The following TCF4 variants were observed in gnomAD, a reference collection of about 807,000 sequenced individuals.
The protein encoded by TCF4 is transcription factor 4, also known as SL3-3 enhancer factor 2.
TCF4 carries 3 observed loss-of-function variants against 82.1 expected under a neutral mutation model. The observed-to-expected ratio is 0.04, with a 90% confidence interval of 0.02 to 0.09. The LOEUF (loss-of-function observed/expected upper bound fraction) is 0.09. TCF4 is among the 10% of genes least tolerant of loss of function. The pLI is 1.00. For missense variants in TCF4, 518 were observed against 852.7 expected (o/e 0.61, Z 4.89); for synonymous variants, 276 against 309.6 (o/e 0.89, Z 1.14).
In TCF4 at chr18:55,239,608, A is replaced by G. The variant is rs768623636; in HGVS notation, c.1351-4925T>C. Among the ~76,000 whole-genome samples, 122 of 152,178 alleles carry G rather than the reference A, an allele frequency of 8.0e-4. 4 individuals carry two copies. Among genetic ancestry groups the G allele is most frequent in the African/African-American group, 4.8e-5 (2 of 41,446 alleles). On this transcript the variant is annotated intron_variant, in intron 15 of 19. Coordinates refer to ENST00000354452, the MANE Select transcript of TCF4 (RefSeq NM_001083962.2). ...GAGGAAAATCATTTCCTTTTTCTTT[A>G]TTGCAGGGGGAAAATCATAGTTCAT...
At chr18:55,419,227 A>AC (rs1237240002) in intron 5 of TCF4, among the ~76,000 whole-genome samples, 1 of 152,228 alleles carries the variant, frequency 6.6e-6, no homozygotes, top group African/African-American at 2.4e-5. Flanking sequence ...GAAAATGCCT[A>AC]CATTAAACTC....
intron 5 of TCF4, among the ~76,000 whole-genome samples, chr18:55,441,235 T>C (rs2095433290): frequency 6.6e-6 from 1 of 152,232 alleles, no homozygotes. Flanking sequence ...GACCACAGAC[T>C]TGCTGAAGCT....
Position 55,226,557 on chromosome 18 carries a change from A to ACC in TCF4, c.*1476_*1477dup, listed in dbSNP as rs1327239958. ...ATACTGGCCAGAGAAATACTGCACT[A>ACC]CCCCTCCTCAAAAAAGTGCAACTTA... On this transcript the variant is annotated 3_prime_UTR_variant, in exon 20 of 20. Transcript: ENST00000354452. The ACC allele has an allele frequency of 2.0e-5, 3 of 152,444 alleles. No homozygotes were observed. Among genetic ancestry groups the ACC allele is most frequent in the African/African-American group, 7.2e-5 (3 of 41,382 alleles). 9.4% of individuals were successfully genotyped at this position (152,444 alleles called of 1,614,324 possible). A position where few individuals can be genotyped will look rare whatever the true frequency, so the allele number is the denominator to read the frequency against.
intron 8 of TCF4, among the ~76,000 whole-genome samples, chr18:55,344,984 A>G (rs2080851278): frequency 6.6e-6 from 1 of 152,126 alleles, no homozygotes; most frequent in South Asian, 2.1e-4. Context: ...CTTCTTTCTT[A>G]AAGGGTGCAG....
rs1348867155 is a variant in TCF4, at chr18:55,350,402, T to C, written c.506A>G (p.Gln169Arg). 1.2e-6 allele frequency: 2 copies of C among 1,613,608 alleles called. No homozygotes were observed. The highest frequency in any genetic ancestry group is 1.7e-6 in the Non-Finnish European group (2 of 1,179,672). Residue 169 changes from glutamine to arginine, a missense_variant, in exon 8 of 20, where the codon CAG becomes CGG. This residue lies in a region of TCF4 where 211 missense variants were observed against 327.4 expected (regional missense o/e 0.64). Transcript: ENST00000354452. ...RPLHSSAMEV[Q>R]TKKVRKVPPG... ...AGGAACTTTTCGAACTTTCTTTGTC[T>C]GTACCTCTGAAAGAAAATGAAGATG...
At chr18:55,293,497 T>C (rs1477394475) in intron 8 of TCF4, among the ~76,000 whole-genome samples, 3 of 152,146 alleles carry the variant, frequency 2.0e-5, no homozygotes, top group South Asian at 4.2e-4. Flanking sequence ...CAAATGGCTA[T>C]AAATAATGAT....
Position 55,224,871 on chromosome 18 carries a change from C to T in TCF4, c.*3164G>A, listed in dbSNP as rs934837047. On this transcript the variant is annotated 3_prime_UTR_variant, in exon 20 of 20. Transcript: ENST00000354452. ...ACTGCTCCAAGTTGCTTTTAAAGTCCGAGTTTCTGAAAGAGATCCCCAGCC... is the reference window on the plus strand; with the variant it reads ...ACTGCTCCAAGTTGCTTTTAAAGTCTGAGTTTCTGAAAGAGATCCCCAGCC... The T allele has an allele frequency of 2.0e-5, 3 of 152,400 alleles. No homozygotes were observed. The highest frequency in any genetic ancestry group is 6.6e-5 in the Admixed American group (1 of 15,240). The allele number at this position is 152,400 out of a possible 1,614,324, so 9.4% of individuals were successfully genotyped here. A position where few individuals can be genotyped will look rare whatever the true frequency, so the allele number is the denominator to read the frequency against.
At chr18:55,447,791 G>A (rs1361802722) in intron 5 of TCF4, among the ~76,000 whole-genome samples, 1 of 152,094 alleles carries the variant, frequency 6.6e-6, no homozygotes, top group Non-Finnish European at 1.5e-5. Context: ...TGCTGTAAGG[G>A]AGCACTTCCT....
At chr18:55,494,965 TAAA>T (rs138885827) in intron 3 of TCF4, among the ~76,000 whole-genome samples, 4 of 142,514 alleles carry the variant, frequency 2.8e-5, no homozygotes, top group African/African-American at 5.1e-5. Context: ...AGCCTTTCTT[TAAA>T]AAAAAAAAAA....
chr18:55,488,531 G>T (rs1482084363), intron 3 of TCF4, among the ~76,000 whole-genome samples: 1 of 152,122 alleles, frequency 6.6e-6, no homozygotes, highest in Admixed American at 6.6e-5. Context: ...AAATTGAAAG[G>T]TGCTTGCCAA....
chr18:55,325,857 G>GT (rs2076466196), intron 8 of TCF4, among the ~76,000 whole-genome samples: 2 of 152,130 alleles, frequency 1.3e-5, no homozygotes, highest in Non-Finnish European at 2.9e-5. Context: ...AACATAGTGT[G>GT]AACAAGCCAG....
intron 6 of TCF4, among the ~76,000 whole-genome samples, chr18:55,374,240 T>C (rs2090135474): frequency 1.3e-5 from 2 of 150,336 alleles, no homozygotes; most frequent in Non-Finnish European, 3.0e-5. Context: ...TATAAAAAGC[T>C]AGAAAAAGTG....
At chr18:55,350,665 A>G (rs2082139485) in intron 7 of TCF4, among the ~76,000 whole-genome samples, 1 of 152,060 alleles carries the variant, frequency 6.6e-6, no homozygotes, top group African/African-American at 2.4e-5. Flanking sequence ...ACTAGACATA[A>G]GCAGACACCA....
intron 8 of TCF4, among the ~76,000 whole-genome samples, chr18:55,316,141 A>C (rs968134142): frequency 1.3e-5 from 2 of 152,066 alleles, no homozygotes; most frequent in Non-Finnish European, 2.9e-5. Context: ...AGGGGGAAAA[A>C]AGGCCCAGTA....
rs930778822 is a variant in TCF4 at position 55,234,664 on chromosome 18, T to C, written c.1370A>G (p.Asp457Gly). ...HSLMVGTHRE[D>G]GVALRGSHSL... is the part of the protein sequence containing the mutation. The stretch of plus-strand genomic sequence containing the variant: ...ATGGCTGCCTCTCAGGGCCACGCCA[T>C]CTTCACGATGGGTCCCCACCTGAAA... Residue 457 changes from aspartate to glycine, a missense_variant, in exon 16 of 20, where the codon GAT becomes GGT. Transcript: ENST00000354452. 4 of 1,613,982 alleles carry C rather than the reference T, an allele frequency of 2.5e-6. No homozygotes were observed. In the African/African-American group the frequency reaches 5.3e-5, roughly 22 times the overall value.
At chr18:55,423,423 GCGCGCACACACACACA>G in intron 5 of TCF4, 1 of 125,540 alleles carries the variant, frequency 8.0e-6, no homozygotes, top group African/African-American at 3.6e-5. Context: ...GCACACGCGC[GCGCGCACACACACACA>G]CACACACACA....
intron 3 of TCF4, among the ~76,000 whole-genome samples, chr18:55,584,704 A>G (rs1028908962): frequency 6.6e-6 from 1 of 152,130 alleles, no homozygotes; most frequent in Non-Finnish European, 1.5e-5. Context: ...TCATTGCACA[A>G]GTAAATCGTT....
chr18:55,304,757 A>G (rs1200451635), intron 8 of TCF4, among the ~76,000 whole-genome samples: 5 of 152,122 alleles, frequency 3.3e-5, no homozygotes, highest in Non-Finnish European at 4.4e-5. Flanking sequence ...TCCTTATTCA[A>G]AAGGTTCAAT....
intron 3 of TCF4, among the ~76,000 whole-genome samples, chr18:55,577,078 T>C (rs1183618100): frequency 6.8e-6 from 1 of 146,512 alleles, no homozygotes; most frequent in Non-Finnish European, 1.5e-5. Flanking sequence ...AATATATATA[T>C]ATATTATATA....
Sources: allele counts gnomAD v4.1 joint callset (sites outside exome capture counted in the v4.1 genomes callset), GRCh38; gene constraint gnomAD v4.1.1; regional missense constraint gnomAD v4.1.1; transcripts MANE v1.5; gene names NCBI Gene and HGNC (gene_info 2026-07-23, HGNC 2026-07-21).